LTBR: variants seen among roughly 807,000 people sequenced by gnomAD.
LTBR encodes the protein tumor necrosis factor receptor superfamily member 3.
A neutral mutation model predicts 45.4 loss-of-function variants in LTBR; 15 were observed. The observed-to-expected ratio is 0.33, with a 90% CI of 0.22 to 0.51. LTBR has a LOEUF of 0.51. Among genes scored for constraint, LTBR ranks in the 20% least tolerant of loss-of-function variants. LTBR has a pLI of 0.97. For synonymous variants in LTBR, 228 were observed against 231.0 expected (o/e 0.99, Z 0.12); for missense variants, 450 against 565.5 (o/e 0.80, Z 2.07).
intron 1 of LTBR, 44 bp downstream of exon 1, chr12:6,384,498 G>T (rs779973887): frequency 6.3e-7 from 1 of 1,590,796 alleles, no homozygotes; most frequent in Non-Finnish European, 8.6e-7. Context: ...TGGGCAAGAG[G>T]GATCTGGGCA....
Position 6,385,209 on chromosome 12 carries a change from C to T in LTBR, c.320-18C>T. ...CTGGAGCTTGGCCCCTCCCTGAGCC[C>T]TCCCGTCTCCCCGCCAGTGATGGGC... On this transcript the variant is annotated intron_variant, in intron 3 of 9. Coordinates refer to ENST00000228918, the MANE Select transcript of LTBR (RefSeq NM_002342.3). 1 of 1,614,138 alleles carries T rather than the reference C, an allele frequency of 6.2e-7. No individual in the cohort carries two copies.
rs369810268 is a variant in LTBR at position 6,388,379 on chromosome 12, C to T, written c.668-19C>T. ...CCTTCTTGGGGCTGTGATCACCCTC[C>T]TGTCTGCTGTCCTGGCAGGAACCAT... is the stretch of plus-strand genomic sequence containing the variant. On this transcript the variant is annotated intron_variant, in intron 6 of 9. Transcript: ENST00000228918. The surrounding 1 kb of genome is among the most constrained non-coding windows in gnomAD (Gnocchi z 4.3). 1.3e-5 allele frequency: 20 copies of T among 1,593,132 alleles called. No homozygotes were observed. The highest frequency in any genetic ancestry group is 1.5e-5 in the Non-Finnish European group (18 of 1,161,748).
In LTBR at chr12:6,390,197, C is replaced by A; in HGVS notation, c.887C>A (p.Pro296His). 2 of 1,614,068 alleles carry A rather than the reference C, an allele frequency of 1.2e-6. No individual in the cohort carries two copies. Among genetic ancestry groups the A allele is most frequent in the Non-Finnish European group, 8.5e-7 (1 of 1,180,016 alleles). ...CCTGACTTGGTACAGCCACTGCTAC[C>A]CATTTCTGGAGATGTTTCCCCAGTA... ...YFPDLVQPLL[P>H]ISGDVSPVST... The change falls in exon 9 of 10, where the codon CCC (proline) becomes CAC (histidine). Residue 296 changes from proline (P) to histidine (H), a missense_variant. By Grantham distance (77) the Pro-to-His change is moderately conservative. Around this residue, in one of 3 missense-constraint regions of LTBR, gnomAD observed 367 missense variants for 435.4 expected, o/e 0.84. Coordinates refer to ENST00000228918, the MANE Select transcript of LTBR (RefSeq NM_002342.3).
At chr12:6,379,977 T>C (rs1306254583), upstream of LTBR, among the ~76,000 whole-genome samples, 1 of 150,970 alleles carries the variant, frequency 6.6e-6, no homozygotes, top group Non-Finnish European at 1.5e-5. Context: ...AGAAGTTCAC[T>C]ACTAGAAGTT....
chr12:6,388,447 C>T lies in LTBR; in HGVS notation c.717C>T (p.Leu239=), dbSNP rs1415012564. ...AVLLPLAFFL[L]LATVFSCIWK... ...TGCTGCCACTGGCCTTCTTTCTGCT[C>T]CTTGCCACCGTCTTCTCCTGCATCT... is the stretch of plus-strand genomic sequence containing the variant. Residue 239 remains leucine, a synonymous_variant, in exon 7 of 10, where the codon CTC becomes CTT. Coordinates refer to ENST00000228918, the MANE Select transcript of LTBR (RefSeq NM_002342.3). The surrounding 1 kb of genome is among the most constrained non-coding windows in gnomAD (Gnocchi z 4.3). 3.1e-6 allele frequency: 5 copies of T among 1,614,034 alleles called. No homozygotes were observed. Among genetic ancestry groups the T allele is most frequent in the Non-Finnish European group, 4.2e-6 (5 of 1,180,030 alleles).
rs758556929 is a variant in LTBR, at chr12:6,390,253, G to T, written c.943G>T (p.Glu315Ter). 1 of 1,614,070 alleles carries T rather than the reference G, an allele frequency of 6.2e-7. No individual in the cohort carries two copies. Among genetic ancestry groups the T allele is most frequent in the Admixed American group, 1.7e-5 (1 of 59,996 alleles). Residue 315 changes from glutamate (E) to a stop codon, truncating the protein, a stop_gained, in exon 9 of 10, where the codon GAG becomes TAG. Coordinates refer to ENST00000228918, the MANE Select transcript of LTBR (RefSeq NM_002342.3). LOFTEE classifies it high-confidence loss of function. The part of the protein sequence containing the change: ...STGLPAAPVL[E>*]AGVPQQQSPL... ...TGGGCTCCCCGCAGCCCCAGTTTTG[G>T]AGGCAGGGGTGCCGCAACAGCAGAG...
At position 6,385,958 on chromosome 12, in the gene LTBR, C is replaced by T. The variant is rs147597418; in HGVS notation, c.473-108C>T. ...CAGAGCTTGGGAAAGGTGAGAGCTA[C>T]GCAATGGGGTGGATGGGCATCCTGA... On this transcript the variant is annotated intron_variant, in intron 4 of 9. Transcript: ENST00000228918. 3,634 of 731,952 alleles carry T rather than the reference C, an allele frequency of 5.0e-3. 41 individuals carry two copies. Among genetic ancestry groups the T allele is most frequent in the Middle Eastern group, 0.023 (93 of 4,022 alleles). 45.3% of individuals were successfully genotyped at this position (731,952 alleles called of 1,614,324 possible). A position where few individuals can be genotyped will look rare whatever the true frequency, so the allele number is the denominator to read the frequency against.
intron 9 of LTBR, among the ~76,000 whole-genome samples, 154 bp downstream of exon 9, chr12:6,390,494 C>G (rs1437101276): frequency 6.6e-6 from 1 of 151,982 alleles, no homozygotes; most frequent in Admixed American, 6.6e-5. Flanking sequence ...AGGGAAGAGA[C>G]TGGAAAACCC....
chr12:6,382,462 C>T (rs1948993749), upstream of LTBR, among the ~76,000 whole-genome samples: 2 of 152,248 alleles, frequency 1.3e-5, no homozygotes, highest in South Asian at 4.1e-4. Context: ...GACCTAGGGT[C>T]GCTACACACA....
chr12:6,376,872 T>C (rs1411578597), intron 1 of LTBR, among the ~76,000 whole-genome samples: 3 of 152,208 alleles, frequency 2.0e-5, no homozygotes, highest in Non-Finnish European at 4.4e-5. Context: ...AGCCTGAGCA[T>C]TGATACACAC....
chr12:6,381,710 C>G (rs1285099818), upstream of LTBR, among the ~76,000 whole-genome samples: 1 of 152,212 alleles, frequency 6.6e-6, no homozygotes, highest in Non-Finnish European at 1.5e-5. Flanking sequence ...TGCCGTGGCT[C>G]ACGCCTGTAA....
intron 1 of LTBR, among the ~76,000 whole-genome samples, chr12:6,378,326 C>T (rs1948941414): frequency 6.6e-6 from 1 of 152,158 alleles, no homozygotes; most frequent in Non-Finnish European, 1.5e-5. Flanking sequence ...CATGCACTAT[C>T]CTCTAGGCTG....
At position 6,386,476 on chromosome 12, in the gene LTBR, GGC is replaced by G. The variant is rs1555117350; in HGVS notation, c.667+35_667+36del. The G allele has an allele frequency of 1.9e-5, 30 of 1,564,422 alleles. No individual in the cohort carries two copies. The East Asian group carries it at 6.3e-4, about 33-fold the overall frequency. ...GACCAGGGCTGAGGGACACGGGGGG[GGC>G]GCCTCTGAAAATGCCTTAATGCTCC... On this transcript the variant is annotated intron_variant, in intron 6 of 9. Transcript: ENST00000228918. This position sits in a 1 kb window ranked among gnomAD's most constrained non-coding sequence, Gnocchi z 4.1.
At chr12:6,377,770 C>T in intron 1 of LTBR, 1 of 808,642 alleles carries the variant, frequency 1.2e-6, no homozygotes, top group Non-Finnish European at 1.8e-6. Context: ...CCAGCTCATG[C>T]CTGAAATCCA....
At chr12:6,375,406 G>A, upstream of LTBR, 2 of 1,513,680 alleles carry the variant, frequency 1.3e-6, no homozygotes, top group Non-Finnish European at 1.8e-6. Context: ...GCTCCAGGAG[G>A]TCTGGGCTGC....
chr12:6,384,740 A>G (rs1949019457), intron 2 of LTBR, 56 bp downstream of exon 2: 3 of 1,524,014 alleles, frequency 2.0e-6, no homozygotes, highest in East Asian at 4.5e-5. Flanking sequence ...CGGGGGCTCC[A>G]GCCCCCTCGC....
intron 8 of LTBR, 85 bp from the exon 9 acceptor site, chr12:6,390,027 A>G: frequency 1.2e-6 from 1 of 818,888 alleles, no homozygotes; most frequent in African/African-American, 1.7e-5. Flanking sequence ...AGAAAGAGAA[A>G]GAGAGAAAGA....
At chr12:6,378,089 T>C (rs1948937689) in intron 1 of LTBR, among the ~76,000 whole-genome samples, 1 of 152,214 alleles carries the variant, frequency 6.6e-6, no homozygotes, top group Admixed American at 6.5e-5. Flanking sequence ...TTTTCAGCAA[T>C]ACAGAAGTAT....
chr12:6,384,804 G>T, intron 2 of LTBR, 120 bp downstream of exon 2: 1 of 1,099,608 alleles, frequency 9.1e-7, no homozygotes, highest in Admixed American at 2.0e-5. Context: ...TGCTGGAGAC[G>T]AGCGTGGGAA....
Sources: gnomAD v4.1 joint callset for allele counts (sites outside exome capture counted in the v4.1 genomes callset) on GRCh38, gnomAD v4.1.1 for gene constraint, gnomAD v4.1.1 regional missense constraint, Gnocchi (gnomAD v3.1) non-coding constraint, MANE v1.5 for transcripts, NCBI Gene and HGNC (gene_info 2026-07-23, HGNC 2026-07-21) for gene names.